The following SYTL3 variants were observed in gnomAD, a reference collection of about 807,000 sequenced individuals.
The protein encoded by SYTL3 is synaptotagmin like 3.
Under a neutral mutation model 82.1 loss-of-function variants are expected in SYTL3, and 88 were observed. The ratio of observed to expected loss-of-function variants is 1.07; its 90% CI spans 0.90 to 1.28. SYTL3 has a LOEUF of 1.28. Among genes scored for constraint, SYTL3 ranks in the 50% most tolerant of loss-of-function variants. The pLI, the probability that SYTL3 is intolerant of heterozygous loss-of-function variation, is 0.00. For synonymous variants in SYTL3, 311 were observed against 289.4 expected (o/e 1.07, Z -0.76); for missense variants, 831 against 757.6 (o/e 1.10, Z -1.14).
chr6:158,729,380 T>C (rs912346282), intron 11 of SYTL3, among the ~76,000 whole-genome samples: 1 of 152,104 alleles, frequency 6.6e-6, no homozygotes, highest in African/African-American at 2.4e-5. Context: ...CAGTGCTGTG[T>C]GCAGCCTCTT....
At chr6:158,665,782 A>G (rs576623286) in intron 5 of SYTL3, among the ~76,000 whole-genome samples, 169 bp downstream of exon 5, 5 of 152,262 alleles carry the variant, frequency 3.3e-5, no homozygotes, top group Non-Finnish European at 7.4e-5. Flanking sequence ...TCTTCATCCA[A>G]AAATAAATTT....
chr6:158,681,732 A>C (rs970416878), intron 5 of SYTL3, among the ~76,000 whole-genome samples: 2 of 152,196 alleles, frequency 1.3e-5, no homozygotes, highest in Admixed American at 1.3e-4. Flanking sequence ...ATCAACACAC[A>C]TTGATCCCAT....
intron 2 of SYTL3, among the ~76,000 whole-genome samples, chr6:158,659,952 T>C (rs769129808): frequency 9.9e-5 from 15 of 152,274 alleles, no homozygotes; most frequent in South Asian, 6.2e-4. Context: ...AGGGTATAAA[T>C]GACCAGTCAG....
chr6:158,663,843 C>A (rs780574479), intron 4 of SYTL3, among the ~76,000 whole-genome samples: 3 of 151,962 alleles, frequency 2.0e-5, no homozygotes, highest in Non-Finnish European at 2.9e-5. Context: ...GTCTTTTTTT[C>A]TTTGCTCGCT....
At chr6:158,660,396 G>A (rs764142787) in intron 2 of SYTL3, among the ~76,000 whole-genome samples, 2 of 152,248 alleles carry the variant, frequency 1.3e-5, no homozygotes, top group Non-Finnish European at 2.9e-5. Flanking sequence ...TTTCTGTAAC[G>A]CGGAGTGAAT....
chr6:158,759,320 T>G (rs963826089), intron 14 of SYTL3, among the ~76,000 whole-genome samples: 8 of 152,138 alleles, frequency 5.3e-5, no homozygotes, highest in Non-Finnish European at 7.4e-5. Flanking sequence ...CTGTTCCGCC[T>G]CGGTTTCTGG....
intron 11 of SYTL3, among the ~76,000 whole-genome samples, chr6:158,727,495 A>G (rs142657942): frequency 6.6e-6 from 1 of 152,048 alleles, no homozygotes; most frequent in Non-Finnish European, 1.5e-5. Context: ...TTCCTTTTAA[A>G]TGGGTCAAAC....
intron 5 of SYTL3, among the ~76,000 whole-genome samples, chr6:158,668,658 G>C (rs1028766093): frequency 6.6e-6 from 1 of 152,206 alleles, no homozygotes; most frequent in African/African-American, 2.4e-5. Context: ...AAGATCAGGA[G>C]AGCGGAAGGT....
intron 5 of SYTL3, among the ~76,000 whole-genome samples, chr6:158,675,717 A>T (rs1455748902): frequency 6.6e-6 from 1 of 152,042 alleles, no homozygotes; most frequent in Non-Finnish European, 1.5e-5. Flanking sequence ...GGAGGCCAAG[A>T]TGGGCGGATC....
intron 6 of SYTL3, among the ~76,000 whole-genome samples, chr6:158,691,736 C>T (rs1779890623): frequency 1.3e-5 from 2 of 151,504 alleles, no homozygotes; most frequent in East Asian, 2.0e-4. Flanking sequence ...TCTGCAAGCT[C>T]CGCCTCCCGG....
intron 1 of SYTL3, among the ~76,000 whole-genome samples, chr6:158,650,780 A>G (rs895953046): frequency 2.0e-5 from 3 of 150,198 alleles, no homozygotes; most frequent in African/African-American, 7.3e-5. Flanking sequence ...CCATCTCTAA[A>G]AAAAAAAAAA....
intron 11 of SYTL3, among the ~76,000 whole-genome samples, chr6:158,735,633 C>CA (rs1786043523): frequency 6.6e-6 from 1 of 152,024 alleles, no homozygotes; most frequent in African/African-American, 2.4e-5. Flanking sequence ...GGAGTAAAAA[C>CA]AAAAAACAAA....
intron 6 of SYTL3, among the ~76,000 whole-genome samples, chr6:158,690,359 C>G (rs918144441): frequency 1.3e-5 from 2 of 152,224 alleles, no homozygotes; most frequent in African/African-American, 4.8e-5. Flanking sequence ...ACATCCTTCC[C>G]TTTTTGACAC....
At chr6:158,653,053 C>T (rs1788223407) in intron 2 of SYTL3, among the ~76,000 whole-genome samples, 1 of 152,176 alleles carries the variant, frequency 6.6e-6, no homozygotes. Flanking sequence ...TGTATAAACG[C>T]ACATCTTCAT....
At position 158,737,547 on chromosome 6, in the gene SYTL3, C is replaced by T. The variant is rs557716144; in HGVS notation, c.856-7933C>T. 2.6e-5 allele frequency among the ~76,000 whole-genome samples: 4 copies of T among 152,162 alleles called. No individual in the cohort carries two copies. In the South Asian group the frequency reaches 6.2e-4, roughly 24 times the overall value. On this transcript the variant is annotated intron_variant, in intron 11 of 17. Transcript: ENST00000611299. ...TGCCTGCCTTGAGTTTTTCCTTTGC[C>T]GTTACCCAGATTGACTTTCTTTCAA...
chr6:158,682,332 T>C (rs1393480733), intron 5 of SYTL3, among the ~76,000 whole-genome samples: 1 of 151,776 alleles, frequency 6.6e-6, no homozygotes, highest in South Asian at 2.1e-4. Flanking sequence ...GGCACAAGTA[T>C]ATGTTAATAT....
intron 11 of SYTL3, among the ~76,000 whole-genome samples, chr6:158,741,663 GGTTGTCATATAAAATCTACTT>G (rs1431014177): frequency 6.6e-6 from 1 of 152,150 alleles, no homozygotes; most frequent in Non-Finnish European, 1.5e-5. Context: ...GGTCATTGCT[GGTTGTCATATAAAATCTACTT>G]GTTGTCACAC....
chr6:158,648,604 AAAAAAT>A (rs1787662678), upstream of SYTL3, among the ~76,000 whole-genome samples: 2 of 137,464 alleles, frequency 1.5e-5, no homozygotes, highest in Non-Finnish European at 3.1e-5. Flanking sequence ...AAAAAAAAAA[AAAAAAT>A]AATAATAATA....
At chr6:158,690,067 C>T (rs1779696764) in intron 6 of SYTL3, among the ~76,000 whole-genome samples, 1 of 152,226 alleles carries the variant, frequency 6.6e-6, no homozygotes, top group East Asian at 1.9e-4. Flanking sequence ...CCCAGGGCCA[C>T]TGATTGGCAC....
Sources: allele counts gnomAD v4.1 joint callset (sites outside exome capture counted in the v4.1 genomes callset), GRCh38; gene constraint gnomAD v4.1.1; transcripts MANE v1.5; gene names NCBI Gene and HGNC (gene_info 2026-07-23, HGNC 2026-07-21).